Variants in MASTL observed in about 807,000 individuals in gnomAD.
MASTL encodes microtubule associated serine/threonine kinase like, also known as serine/threonine-protein kinase greatwall.
In MASTL, 54 loss-of-function variants were observed where a neutral mutation model predicts 82.5. The observed-to-expected ratio is 0.65, with a 90% CI of 0.53 to 0.82. The LOEUF is 0.82. MASTL is among the 40% of genes least tolerant of loss of function. The probability of loss-of-function intolerance (pLI) is 0.00; values close to 1 mark genes in which losing one functional copy is unlikely to be tolerated. For synonymous variants in MASTL, 323 were observed against 368.9 expected, an observed-to-expected ratio of 0.88 and a Z score of 1.43; for missense variants, 950 against 1,047.8, an observed-to-expected ratio of 0.91 and a Z score of 1.29.
At chr10:27,173,321 TA>T in intron 9 of MASTL, 62 bp downstream of exon 9, 1 of 1,603,392 alleles carries the variant, frequency 6.2e-7, no homozygotes, top group South Asian at 1.1e-5. Context: ...CTTTCAAGGT[TA>T]AATTTTAAAA....
At chr10:27,175,937 A>G (rs2058087974) in intron 9 of MASTL, among the ~76,000 whole-genome samples, 1 of 151,960 alleles carries the variant, frequency 6.6e-6, no homozygotes, top group South Asian at 2.1e-4. Flanking sequence ...TCTCTACTAA[A>G]AATACAAAAA....
chr10:27,183,353 G>A (rs1286589452), intron 11 of MASTL, among the ~76,000 whole-genome samples: 1 of 151,954 alleles, frequency 6.6e-6, no homozygotes, highest in Admixed American at 6.6e-5. Flanking sequence ...GTGTGATCTC[G>A]GCTCACTGCA....
chr10:27,167,180 T>A lies in MASTL; in HGVS notation c.890T>A (p.Leu297Gln). 6.2e-7 allele frequency: 1 copy of A among 1,614,102 alleles called. No individual in the cohort carries two copies. Among genetic ancestry groups the A allele is most frequent in the South Asian group, 1.1e-5 (1 of 91,088 alleles). Residue 297 changes from leucine (L) to glutamine (Q), a missense_variant, in exon 7 of 12, where the codon CTG (leucine) becomes CAG (glutamine). Physicochemically the swap from Leu to Gln is moderately radical, Grantham distance 113 (BLOSUM62 -2). Transcript: ENST00000375940. ...TSNLLQSRKR[L>Q]ATSSASSQSH... ...AATTTACTCCAGTCTAGGAAAAGGC[T>A]GGCCACATCCAGTGCCAGTAGTCAA...
intron 8 of MASTL, 85 bp downstream of exon 8, chr10:27,171,168 G>A (rs1439486696): frequency 2.6e-6 from 3 of 1,163,630 alleles, no homozygotes; most frequent in Non-Finnish European, 3.9e-6. Context: ...AGACTATGCG[G>A]TATTAATCAT....
intron 7 of MASTL, among the ~76,000 whole-genome samples, chr10:27,168,149 A>T (rs746502803): frequency 3.9e-5 from 6 of 152,180 alleles, no homozygotes; most frequent in African/African-American, 7.2e-5. Context: ...ATAGAATTTT[A>T]TTATTATTGG....
At chr10:27,165,261 A>G in intron 5 of MASTL, 91 bp downstream of exon 5, 2 of 1,382,614 alleles carry the variant, frequency 1.4e-6, no homozygotes, top group Non-Finnish European at 2.1e-6. Context: ...AGATCAAAAT[A>G]GATTTAAATA....
chr10:27,167,336 T>G, intron 7 of MASTL, 62 bp downstream of exon 7: 1 of 1,360,914 alleles, frequency 7.3e-7, no homozygotes, highest in Non-Finnish European at 1.0e-6. Flanking sequence ...GTGAGAAATA[T>G]TATACCTTTT....
chr10:27,172,078 T>TA (rs1341833436), intron 8 of MASTL, among the ~76,000 whole-genome samples: 2 of 151,846 alleles, frequency 1.3e-5, no homozygotes, highest in African/African-American at 2.4e-5. Context: ...CTGCCTGCCT[T>TA]GGCCTCCCAA....
Position 27,170,662 on chromosome 10 carries a change from A to T in MASTL, c.1703A>T (p.Asn568Ile), listed in dbSNP as rs761812157. 6.2e-7 allele frequency: 1 copy of T among 1,610,768 alleles called. No homozygotes were observed. Among genetic ancestry groups the T allele is most frequent in the Non-Finnish European group, 8.5e-7 (1 of 1,179,164 alleles). The change falls in exon 8 of 12, where the codon AAC becomes ATC. Residue 568 changes from asparagine (N) to isoleucine (I), a missense_variant. Coordinates refer to ENST00000375940, the MANE Select transcript of MASTL (RefSeq NM_001172303.3). ...DDRASKNISMNSDSSFPGISI... is the reference protein window; with the variant it reads ...DDRASKNISMISDSSFPGISI... ...AGAGCTTCTAAAAATATTTCTATGAACTCTGATTCATCTTTTCCTGGAATT... is the reference window on the plus strand; with the variant it reads ...AGAGCTTCTAAAAATATTTCTATGATCTCTGATTCATCTTTTCCTGGAATT...
At chr10:27,155,228 G>C (rs41282216), upstream of MASTL, 29,259 of 611,014 alleles carry the variant, frequency 0.048, 814 homozygotes, top group African/African-American at 0.083. Context: ...CACGAAGAGT[G>C]TAAGGCTGCG....
intron 9 of MASTL, among the ~76,000 whole-genome samples, chr10:27,173,880 A>G (rs1372433153): frequency 1.3e-5 from 2 of 151,844 alleles, no homozygotes; most frequent in African/African-American, 4.8e-5. Flanking sequence ...TACCCGGCCT[A>G]TCTTACCTCT....
chr10:27,155,304 G>C (rs888212390), upstream of MASTL: 8 of 953,516 alleles, frequency 8.4e-6, no homozygotes, highest in Admixed American at 2.6e-5. Flanking sequence ...AGGGCGGGGC[G>C]CGGCGGCGGG....
At chr10:27,166,991 CATATTAATATGTAATTCT>C (rs2057762178) in intron 6 of MASTL, 93 bp from the exon 7 acceptor site, 12 of 130,032 alleles carry the variant, frequency 9.2e-5, no homozygotes, top group Non-Finnish European at 2.0e-4. Flanking sequence ...ATTCTTAATA[CATATTAATATGTAATTCT>C]TGATACTTTG....
chr10:27,181,522 C>A lies in MASTL; in HGVS notation c.2423C>A (p.Ala808Asp). 1 of 1,613,104 alleles carries A rather than the reference C, an allele frequency of 6.2e-7. No homozygotes were observed. The highest frequency in any genetic ancestry group is 8.5e-7 in the Non-Finnish European group (1 of 1,179,264). ...GGTGAAGAAAAGTTATCTGATAATG[C>A]TCAAAGTGCAGTAGAAATACTTTTA... ...PEGEEKLSDN[A>D]QSAVEILLTI... Residue 808 changes from alanine to aspartate, a missense_variant, in exon 11 of 12, where the codon GCT (alanine) becomes GAT (aspartate). Physicochemically the swap from Ala to Asp is moderately radical, Grantham distance 126. Transcript: ENST00000375940.
At position 27,158,610 on chromosome 10, in the gene MASTL, A is replaced by T. The variant is rs534524238; in HGVS notation, c.248A>T (p.Asp83Val). 13 of 1,613,124 alleles carry T rather than the reference A, an allele frequency of 8.1e-6. No homozygotes were observed. Among genetic ancestry groups the T allele is most frequent in the African/African-American group, 5.3e-5 (4 of 75,042 alleles). Residue 83 changes from aspartate to valine, a missense_variant, in exon 2 of 12, where the codon GAT becomes GTT. Coordinates refer to ENST00000375940, the MANE Select transcript of MASTL (RefSeq NM_001172303.3). ...ACTCATCAGGTCCAAGCTGAGAGAGATGCACTGGCACTAAGCAAAAGCCCA... is the reference window on the plus strand; with the variant it reads ...ACTCATCAGGTCCAAGCTGAGAGAGTTGCACTGGCACTAAGCAAAAGCCCA... ...NMTHQVQAER[D>V]ALALSKSPFI...
Position 27,155,545 on chromosome 10 carries a change from CCATTAGCCG to C in MASTL, c.120_128del (p.Ile41_Arg43del), listed in dbSNP as rs2057331543. On this transcript the variant is annotated inframe_deletion, in exon 1 of 12. Coordinates refer to ENST00000375940, the MANE Select transcript of MASTL (RefSeq NM_001172303.3). The stretch of plus-strand genomic sequence containing the variant: ...ATTGAGGAATTCAGCATAGTGAAGC[CCATTAGCCG>C]GGGCGCCTTCGGGAAAGTGTATCTG... 1.2e-6 allele frequency: 2 copies of C among 1,614,050 alleles called. No homozygotes were observed. The highest frequency in any genetic ancestry group is 1.7e-6 in the Non-Finnish European group (2 of 1,180,028).
intron 9 of MASTL, among the ~76,000 whole-genome samples, chr10:27,176,319 C>CT (rs750830539): frequency 6.6e-6 from 1 of 152,204 alleles, no homozygotes; most frequent in Non-Finnish European, 1.5e-5. Context: ...TAGTGCCCTT[C>CT]TATCTGATCT....
chr10:27,180,959 C>T lies in MASTL; in HGVS notation c.2273C>T (p.Ala758Val), dbSNP rs756201592. ...ELLLGRAHGPAVDWWALGVCL... is the reference protein window; with the variant it reads ...ELLLGRAHGPVVDWWALGVCL... ...GTTTCCTCTTCGATTACAGGTCCTG[C>T]GGTAGACTGGTGGGCACTTGGAGTT... The change falls in exon 10 of 12, where the codon GCG (alanine) becomes GTG (valine). Residue 758 changes from alanine to valine, a missense_variant. Ala to Val is a moderately conservative substitution (Grantham distance 64, BLOSUM62 0). Transcript: ENST00000375940. 39 of 1,604,736 alleles carry T rather than the reference C, an allele frequency of 2.4e-5. No homozygotes were observed. The highest frequency in any genetic ancestry group is 4.0e-5 in the African/African-American group (3 of 74,682).
chr10:27,177,813 C>G (rs1002694977), intron 9 of MASTL: 1 of 971,814 alleles, frequency 1.0e-6, no homozygotes, highest in African/African-American at 1.8e-5. Flanking sequence ...TTTCTGACTT[C>G]CGGTGAGTGA....
Sources: gnomAD v4.1 joint callset for allele counts (sites outside exome capture counted in the v4.1 genomes callset) on GRCh38, gnomAD v4.1.1 for gene constraint, MANE v1.5 for transcripts, NCBI Gene and HGNC (gene_info 2026-07-23, HGNC 2026-07-21) for gene names.